Variants in TMEM163 observed in about 807,000 individuals in gnomAD.
TMEM163 encodes the protein transmembrane protein 163.
Under a neutral mutation model 29.3 loss-of-function variants are expected in TMEM163, and 17 were observed. That is an observed-to-expected ratio of 0.58 (90% CI 0.40 to 0.87). The LOEUF (loss-of-function observed/expected upper bound fraction) is 0.87. Among genes scored for constraint, TMEM163 ranks in the 40% least tolerant of loss-of-function variants. The probability of loss-of-function intolerance (pLI) is 0.00; values close to 1 mark genes in which losing one functional copy is unlikely to be tolerated. For synonymous variants in TMEM163, 157 were observed against 160.6 expected, an observed-to-expected ratio of 0.98 and a Z score of 0.17; for missense variants, 303 against 381.5, an observed-to-expected ratio of 0.79 and a Z score of 1.71.
chr2:134,656,399 C>T (rs187512930), intron 2 of TMEM163, among the ~76,000 whole-genome samples: 2,519 of 151,872 alleles, frequency 0.017, 103 homozygotes, highest in East Asian at 0.13. Flanking sequence ...CCTTGCCCTG[C>T]TTCGGCTCGC....
chr2:134,558,322 C>G (rs183494489), intron 2 of TMEM163, among the ~76,000 whole-genome samples: 1 of 152,172 alleles, frequency 6.6e-6, no homozygotes, highest in East Asian at 1.9e-4. Flanking sequence ...TCCCAGGATG[C>G]TGCGTGTCAC....
At chr2:134,582,945 T>C (rs1473933233) in intron 2 of TMEM163, among the ~76,000 whole-genome samples, 1 of 152,198 alleles carries the variant, frequency 6.6e-6, no homozygotes, top group Non-Finnish European at 1.5e-5. Context: ...TCCACATATA[T>C]GCTAAGAGAT....
At chr2:134,600,647 G>T (rs553551032) in intron 2 of TMEM163, among the ~76,000 whole-genome samples, 2 of 152,248 alleles carry the variant, frequency 1.3e-5, no homozygotes, top group Non-Finnish European at 1.5e-5. Flanking sequence ...TCATTAGGGG[G>T]AATAGGGCAT....
intron 2 of TMEM163, among the ~76,000 whole-genome samples, chr2:134,586,462 T>C (rs1175228636): frequency 1.3e-5 from 2 of 152,204 alleles, no homozygotes; most frequent in Non-Finnish European, 2.9e-5. Flanking sequence ...CGTGGCATTC[T>C]CTTTGCGTGC....
At chr2:134,532,657 G>A (rs1471262649) in intron 4 of TMEM163, among the ~76,000 whole-genome samples, 2 of 152,184 alleles carry the variant, frequency 1.3e-5, no homozygotes, top group African/African-American at 4.8e-5. Flanking sequence ...TTGTTTGTAA[G>A]CCTGTCCCTG....
At chr2:134,646,053 C>T (rs1683328009) in intron 2 of TMEM163, among the ~76,000 whole-genome samples, 1 of 151,186 alleles carries the variant, frequency 6.6e-6, no homozygotes, top group South Asian at 2.1e-4. Context: ...TGAGGATTAA[C>T]ATGCAAACAT....
chr2:134,524,362 TGAGAG>T (rs1680248849), intron 4 of TMEM163, among the ~76,000 whole-genome samples: 1 of 134,456 alleles, frequency 7.4e-6, no homozygotes, highest in Non-Finnish European at 1.6e-5. Flanking sequence ...ATGCTGTAAT[TGAGAG>T]CTTGGGTTTT....
chr2:134,556,281 G>A lies in TMEM163; in HGVS notation c.323-4190C>T, dbSNP rs111831163. Among the ~76,000 whole-genome samples, 502 of 152,308 alleles carry A rather than the reference G, an allele frequency of 3.3e-3. 4 individuals are homozygous for A. The highest frequency in any genetic ancestry group is 0.025 in the South Asian group (121 of 4,822). On this transcript the variant is annotated intron_variant, in intron 2 of 7. Transcript: ENST00000281924. Reference sequence around the variant, plus strand: ...ATTTGCTTAAGCCAGTGTGAGTTGAGTTTCTATCACTTCCAGCCACATGAG... The same window carrying A: ...ATTTGCTTAAGCCAGTGTGAGTTGAATTTCTATCACTTCCAGCCACATGAG...
chr2:134,674,525 A>G (rs1258555139), intron 2 of TMEM163, among the ~76,000 whole-genome samples: 77 of 148,934 alleles, frequency 5.2e-4, no homozygotes, highest in Non-Finnish European at 6.5e-4. Flanking sequence ...ATATCTGGCT[A>G]ATTTTTTGTA....
intron 2 of TMEM163, among the ~76,000 whole-genome samples, chr2:134,602,096 G>A (rs1574271996): frequency 6.6e-6 from 1 of 152,178 alleles, no homozygotes; most frequent in African/African-American, 2.4e-5. Flanking sequence ...GAGGATGAAC[G>A]TGGTTAAGGT....
chr2:134,670,818 A>G (rs1003035462), intron 2 of TMEM163, among the ~76,000 whole-genome samples: 7 of 152,256 alleles, frequency 4.6e-5, no homozygotes, highest in Non-Finnish European at 7.3e-5. Flanking sequence ...TAAAGAGCCA[A>G]TTACTTGACA....
At chr2:134,606,245 C>T (rs900026973) in intron 2 of TMEM163, among the ~76,000 whole-genome samples, 5 of 151,998 alleles carry the variant, frequency 3.3e-5, no homozygotes, top group Admixed American at 1.3e-4. Flanking sequence ...ATGAATCCCA[C>T]GCTCTAGCAT....
intron 2 of TMEM163, among the ~76,000 whole-genome samples, chr2:134,671,604 T>G (rs956375608): frequency 2.0e-5 from 3 of 152,188 alleles, no homozygotes; most frequent in Non-Finnish European, 2.9e-5. Flanking sequence ...TCTTCTGGGA[T>G]CCCTTTCTTC....
chr2:134,571,275 C>T (rs560328943), intron 2 of TMEM163, among the ~76,000 whole-genome samples: 94 of 152,282 alleles, frequency 6.2e-4, no homozygotes, highest in East Asian at 2.1e-3. Context: ...TATACTGTCT[C>T]GCTTTCCATT....
chr2:134,622,086 G>A (rs921567797), intron 2 of TMEM163, among the ~76,000 whole-genome samples: 2 of 152,076 alleles, frequency 1.3e-5, no homozygotes, highest in Non-Finnish European at 2.9e-5. Context: ...TGCGTGGTTC[G>A]ATTTATATGA....
chr2:134,554,144 G>A (rs899956508), intron 2 of TMEM163, among the ~76,000 whole-genome samples: 1 of 152,126 alleles, frequency 6.6e-6, no homozygotes, highest in African/African-American at 2.4e-5. Context: ...TAAAAGAAGA[G>A]CCAGGCATGG....
chr2:134,479,493 A>C (rs972165284), intron 5 of TMEM163, among the ~76,000 whole-genome samples: 2 of 152,186 alleles, frequency 1.3e-5, no homozygotes, highest in Non-Finnish European at 2.9e-5. Flanking sequence ...TACATCCCAA[A>C]TGTTTTGGTG....
intron 6 of TMEM163, among the ~76,000 whole-genome samples, chr2:134,464,749 G>A (rs1389988322): frequency 6.6e-6 from 1 of 151,898 alleles, no homozygotes; most frequent in African/African-American, 2.4e-5. Context: ...TAGAACTGCC[G>A]ACACATCTGC....
chr2:134,531,755 T>G (rs1333778788), intron 4 of TMEM163, among the ~76,000 whole-genome samples: 2 of 152,218 alleles, frequency 1.3e-5, no homozygotes, highest in Admixed American at 1.3e-4. Context: ...TGGAGCTTTT[T>G]GAACCCTGTC....
Sources: gnomAD v4.1 joint callset for allele counts (sites outside exome capture counted in the v4.1 genomes callset) on GRCh38, gnomAD v4.1.1 for gene constraint, MANE v1.5 for transcripts, NCBI Gene and HGNC (gene_info 2026-07-23, HGNC 2026-07-21) for gene names.